Variants in ATP6V0E1 observed in about 807,000 individuals in gnomAD.
The protein encoded by ATP6V0E1 is ATPase H+ transporting V0 subunit e1.
ATP6V0E1 carries 4 observed loss-of-function variants against 11.6 expected under a neutral mutation model. The observed-to-expected ratio is 0.35, with a 90% CI of 0.17 to 0.79. The LOEUF is 0.79. Among genes scored for constraint, ATP6V0E1 ranks in the 30% least tolerant of loss-of-function variants. The pLI, the probability that ATP6V0E1 is intolerant of heterozygous loss-of-function variation, is 0.54. For synonymous variants in ATP6V0E1, 36 were observed against 34.8 expected (o/e 1.04, Z -0.13); for missense variants, 105 against 100.0 (o/e 1.05, Z -0.21).
chr5:173,004,097 C>T (rs1488743719), intron 2 of ATP6V0E1, among the ~76,000 whole-genome samples: 1 of 152,082 alleles, frequency 6.6e-6, no homozygotes, highest in Non-Finnish European at 1.5e-5. Context: ...TCCGACCAAA[C>T]CTGAGGAATG....
intron 3 of ATP6V0E1, among the ~76,000 whole-genome samples, chr5:173,026,258 A>G (rs1756556536): frequency 6.6e-6 from 1 of 152,178 alleles, no homozygotes; most frequent in African/African-American, 2.4e-5. Flanking sequence ...GGCCTCCCAA[A>G]GTGATGGGAT....
intron 2 of ATP6V0E1, among the ~76,000 whole-genome samples, chr5:173,019,818 G>A (rs901464452): frequency 1.3e-5 from 2 of 152,160 alleles, no homozygotes; most frequent in Non-Finnish European, 2.9e-5. Flanking sequence ...AAATGGGTGT[G>A]TCATGTAGGT....
At chr5:172,997,346 C>G (rs1581626464) in intron 2 of ATP6V0E1, among the ~76,000 whole-genome samples, 1 of 152,110 alleles carries the variant, frequency 6.6e-6, no homozygotes, top group Middle Eastern at 3.4e-3. Flanking sequence ...ATGAAATATA[C>G]CAAATGTCAG....
At chr5:173,013,433 G>T (rs934126603) in intron 2 of ATP6V0E1, among the ~76,000 whole-genome samples, 1 of 151,786 alleles carries the variant, frequency 6.6e-6, no homozygotes, top group African/African-American at 2.4e-5. Context: ...AAATTAACCA[G>T]GCGTAGTGGT....
chr5:173,031,589 C>T (rs1054954803), intron 3 of ATP6V0E1, among the ~76,000 whole-genome samples: 2 of 150,260 alleles, frequency 1.3e-5, no homozygotes, highest in African/African-American at 2.4e-5. Context: ...GAGGCCAAGG[C>T]GCGCGGATCA....
At chr5:173,028,573 A>T (rs927189677) in intron 3 of ATP6V0E1, among the ~76,000 whole-genome samples, 1 of 152,248 alleles carries the variant, frequency 6.6e-6, no homozygotes, top group Non-Finnish European at 1.5e-5. Context: ...TATAGATGAA[A>T]TGGAATCAAT....
intron 2 of ATP6V0E1, among the ~76,000 whole-genome samples, chr5:173,019,881 G>A (rs533441188): frequency 2.0e-4 from 31 of 152,294 alleles, no homozygotes; most frequent in South Asian, 1.7e-3. Context: ...TTTCCCTGAG[G>A]TTGGAAGTTG....
At position 172,983,954 on chromosome 5, in the gene ATP6V0E1, C is replaced by G; in HGVS notation, c.94C>G (p.Pro32Ala). 6.2e-7 allele frequency: 1 copy of G among 1,612,636 alleles called. No homozygotes were observed. Among genetic ancestry groups the G allele is most frequent in the African/African-American group, 1.3e-5 (1 of 75,020 alleles). The change falls in exon 1 of 4, where the codon CCT becomes GCT. Residue 32 changes from proline to alanine, a missense_variant. By Grantham distance (27) the Pro-to-Ala change is conservative. Coordinates refer to ENST00000519374, the MANE Select transcript of ATP6V0E1 (RefSeq NM_003945.4). ...FLVPWFIPKG[P>A]NRGVIITMLV... ...GGTGCCTTGGTTCATCCCTAAGGGT[C>G]CTAACCGGGGGTAAGTGCGTGAGGC...
At position 172,985,080 on chromosome 5, in the gene ATP6V0E1, C is replaced by CAA. The variant is rs1224793917; in HGVS notation, c.104+1116_104+1117insAA. 1.5e-4 allele frequency among the ~76,000 whole-genome samples: 23 copies of CAA among 152,028 alleles called. 1 individual carries two copies. The highest frequency in any genetic ancestry group is 1.2e-3 in the Admixed American group (19 of 15,266). On this transcript the variant is annotated intron_variant, in intron 1 of 3. Coordinates refer to ENST00000519374, the MANE Select transcript of ATP6V0E1 (RefSeq NM_003945.4). ...GCTAACACGGTGAAACCCGTCTCTA[C>CAA]TAAAAACACAAAAAATTAGCCGGGC...
chr5:172,987,193 GC>G, intron 1 of ATP6V0E1: 1 of 196,734 alleles, frequency 5.1e-6, no homozygotes, highest in Non-Finnish European at 1.1e-5. Context: ...AAGAAATCCG[GC>G]AAAAAATAAG....
In ATP6V0E1 at chr5:172,994,705, T is replaced by G. The variant is rs866454996; in HGVS notation, c.105-70T>G. On this transcript the variant is annotated intron_variant, in intron 1 of 3. Transcript: ENST00000519374. ...AGTTTGATAATCTGGAAAGGGGACT[T>G]AAACCATTCTGTGATGTTTGCATAG... 3.9e-5 allele frequency: 50 copies of G among 1,289,512 alleles called. 1 individual carries two copies. The South Asian group carries it at 6.3e-4, about 16-fold the overall frequency. 79.9% of individuals were successfully genotyped at this position (1,289,512 alleles called of 1,614,324 possible). A position where few individuals can be genotyped will look rare whatever the true frequency, so the allele number is the denominator to read the frequency against.
intron 1 of ATP6V0E1, among the ~76,000 whole-genome samples, chr5:172,991,377 T>A (rs1368163450): frequency 1.3e-5 from 2 of 152,198 alleles, no homozygotes; most frequent in Non-Finnish European, 2.9e-5. Context: ...GTGAAACTAT[T>A]AATATTAAGC....
intron 3 of ATP6V0E1, among the ~76,000 whole-genome samples, chr5:173,031,866 C>T (rs927898683): frequency 4.6e-5 from 7 of 151,644 alleles, no homozygotes; most frequent in Non-Finnish European, 7.4e-5. Context: ...CAAAATCAGC[C>T]GGGTGCAGTG....
intron 1 of ATP6V0E1, among the ~76,000 whole-genome samples, chr5:172,993,094 G>A (rs1027318534): frequency 2.0e-5 from 3 of 152,060 alleles, no homozygotes; most frequent in African/African-American, 7.2e-5. Flanking sequence ...CACCACGCCC[G>A]GCCACAAGGC....
At chr5:173,006,635 A>C (rs998234802) in intron 2 of ATP6V0E1, among the ~76,000 whole-genome samples, 6 of 151,582 alleles carry the variant, frequency 4.0e-5, no homozygotes, top group Admixed American at 1.3e-4. Flanking sequence ...CAAACAAACA[A>C]ACACTCTACT....
intron 3 of ATP6V0E1, among the ~76,000 whole-genome samples, chr5:173,032,416 G>C (rs1268021316): frequency 6.6e-6 from 1 of 151,692 alleles, no homozygotes; most frequent in African/African-American, 2.4e-5. Flanking sequence ...AGCCTCCCAG[G>C]TAGCTGGGAC....
At chr5:173,031,380 G>A (rs1411194332) in intron 3 of ATP6V0E1, among the ~76,000 whole-genome samples, 4 of 148,718 alleles carry the variant, frequency 2.7e-5, no homozygotes, top group African/African-American at 7.4e-5. Context: ...CACCGCATCC[G>A]ACCCTTTGTC....
chr5:173,007,148 T>C (rs1474270002), intron 2 of ATP6V0E1, among the ~76,000 whole-genome samples: 1 of 152,198 alleles, frequency 6.6e-6, no homozygotes, highest in Admixed American at 6.5e-5. Context: ...ATGACTTTTT[T>C]TATTTTTATT....
At chr5:173,020,111 A>G (rs1756457029) in intron 2 of ATP6V0E1, 127 bp from the exon 3 acceptor site, 4 of 701,572 alleles carry the variant, frequency 5.7e-6, no homozygotes, top group Non-Finnish European at 7.5e-6. Context: ...CACAATGTAT[A>G]TGGAAAGTTT....
Sources: gnomAD v4.1 joint callset for allele counts (sites outside exome capture counted in the v4.1 genomes callset) on GRCh38, gnomAD v4.1.1 for gene constraint, MANE v1.5 for transcripts, NCBI Gene and HGNC (gene_info 2026-07-23, HGNC 2026-07-21) for gene names.